Variants in MC3R observed in about 807,000 individuals in gnomAD.
The protein encoded by MC3R is melanocortin 3 receptor.
Under a neutral mutation model 14.0 loss-of-function variants are expected in MC3R, and 12 were observed. The ratio of observed to expected loss-of-function variants is 0.86; its 90% confidence interval spans 0.55 to 1.39. The LOEUF is 1.39. Among genes scored for constraint, MC3R ranks in the 40% most tolerant of loss-of-function variants. MC3R has a pLI of 0.00. For synonymous variants in MC3R, 174 were observed against 180.5 expected (o/e 0.96, Z 0.29); for missense variants, 432 against 433.6 (o/e 1.00, Z 0.03).
Position 56,248,738 on chromosome 20 carries a change from C to A in MC3R, c.-106C>A. The A allele has an allele frequency of 7.8e-7, 1 of 1,289,984 alleles. No individual in the cohort carries two copies. Among genetic ancestry groups the A allele is most frequent in the Non-Finnish European group, 1.1e-6 (1 of 884,538 alleles). The allele number at this position is 1,289,984 out of a possible 1,614,324, so 79.9% of individuals were successfully genotyped here. Reference sequence around the variant, plus strand: ...AAACTCTAAGGCCAGATTGAATGAGCATCCAAAAGACGTATCTGGAGGGAG... The same window carrying A: ...AAACTCTAAGGCCAGATTGAATGAGAATCCAAAAGACGTATCTGGAGGGAG... On this transcript the variant is annotated 5_prime_UTR_variant, in exon 1 of 1. Transcript: ENST00000243911.
Position 56,249,650 on chromosome 20 carries a change from C to T in MC3R, c.807C>T (p.Pro269=), listed in dbSNP as rs779397821. The part of the protein sequence containing the change: ...FLHLVLIITC[P]TNPYCICYTA... Reference sequence around the variant, plus strand: ...ACCTGGTCCTCATCATCACCTGCCCCACCAACCCCTACTGCATCTGCTACA... The same window carrying T: ...ACCTGGTCCTCATCATCACCTGCCCTACCAACCCCTACTGCATCTGCTACA... Residue 269 remains proline, a synonymous_variant, in exon 1 of 1, where the codon CCC becomes CCT. Coordinates refer to ENST00000243911, the MANE Select transcript of MC3R (RefSeq NM_019888.3). 5 of 1,614,046 alleles carry T rather than the reference C, an allele frequency of 3.1e-6. No individual in the cohort carries two copies. In the Admixed American group the frequency reaches 6.7e-5, roughly 22 times the overall value.
rs1275101116 is a variant in MC3R, at chr20:56,248,859, T to C, written c.16T>C (p.Cys6Arg). The C allele has an allele frequency of 4.3e-6, 7 of 1,614,226 alleles. No homozygotes were observed. The highest frequency in any genetic ancestry group is 3.4e-6 in the Non-Finnish European group (4 of 1,180,034). The change falls in exon 1 of 1, where the codon TGC becomes CGC. Residue 6 changes from cysteine (C) to arginine (R), a missense_variant. Coordinates refer to ENST00000243911, the MANE Select transcript of MC3R (RefSeq NM_019888.3). ...TCTGACAGCAATGAATGCTTCGTGC[T>C]GCCTGCCCTCTGTTCAGCCAACACT... MNASC[C>R]LPSVQPTLPN...
Position 56,249,567 on chromosome 20 carries a change from G to C in MC3R, c.724G>C (p.Val242Leu). The change falls in exon 1 of 1, where the codon GTC becomes CTC. Residue 242 changes from valine to leucine, a missense_variant. Transcript: ENST00000243911. ...GCAACACTCATGCATGAAGGGGGCA[G>C]TCACCATCACCATTCTCCTGGGCGT... is the stretch of plus-strand genomic sequence containing the variant. ...PQQHSCMKGA[V>L]TITILLGVFI... The C allele has an allele frequency of 6.2e-7, 1 of 1,613,614 alleles. No individual in the cohort carries two copies. Among genetic ancestry groups the C allele is most frequent in the Non-Finnish European group, 8.5e-7 (1 of 1,179,536 alleles).
chr20:56,249,038 G>A lies in MC3R; in HGVS notation c.195G>A (p.Arg65=), dbSNP rs772347013. The A allele has an allele frequency of 1.2e-6, 2 of 1,614,178 alleles. No homozygotes were observed. Among genetic ancestry groups the A allele is most frequent in the South Asian group, 2.2e-5 (2 of 91,072 alleles). ...TCCTGGTTATCCTGGCCGTGGTCAG[G>A]AACGGCAACCTGCACTCCCCGATGT... ...ENILVILAVV[R]NGNLHSPMYF... The change falls in exon 1 of 1, where the codon AGG becomes AGA. Residue 65 remains arginine (R), a synonymous_variant. Coordinates refer to ENST00000243911, the MANE Select transcript of MC3R (RefSeq NM_019888.3).
In MC3R at chr20:56,249,232, C is replaced by T; in HGVS notation, c.389C>T (p.Ala130Val). The T allele has an allele frequency of 6.2e-7, 1 of 1,614,162 alleles. No individual in the cohort carries two copies. ...FDSMICISLV[A>V]SICNLLAIAV... ...TCCATGATCTGCATCTCCCTGGTGG[C>T]CTCCATCTGCAACCTCCTGGCCATC... The change falls in exon 1 of 1, where the codon GCC (alanine) becomes GTC (valine). Residue 130 changes from alanine to valine, a missense_variant. Physicochemically the swap from Ala to Val is moderately conservative, Grantham distance 64. Transcript: ENST00000243911.
chr20:56,248,885 G>A lies in MC3R; in HGVS notation c.42G>A (p.Leu14=), dbSNP rs1286487939. ...SCCLPSVQPT[L]PNGSEHLQAP... ...GCCTGCCCTCTGTTCAGCCAACACTGCCTAATGGCTCGGAGCACCTCCAAG... is the reference window on the plus strand; with the variant it reads ...GCCTGCCCTCTGTTCAGCCAACACTACCTAATGGCTCGGAGCACCTCCAAG... Residue 14 remains leucine (L), a synonymous_variant, in exon 1 of 1, where the codon CTG becomes CTA. Transcript: ENST00000243911. 1 of 1,614,006 alleles carries A rather than the reference G, an allele frequency of 6.2e-7. No individual in the cohort carries two copies. The highest frequency in any genetic ancestry group is 1.3e-5 in the African/African-American group (1 of 74,914).
At position 56,249,101 on chromosome 20, in the gene MC3R, G is replaced by A. The variant is rs1323194461; in HGVS notation, c.258G>A (p.Leu86=). Residue 86 remains leucine, a synonymous_variant, in exon 1 of 1, where the codon CTG becomes CTA. Transcript: ENST00000243911. ...GCAGCCTGGCGGTGGCCGACATGCTGGTAAGTGTGTCCAATGCCCTGGAGA... is the reference window on the plus strand; with the variant it reads ...GCAGCCTGGCGGTGGCCGACATGCTAGTAAGTGTGTCCAATGCCCTGGAGA... The part of the protein sequence containing the change: ...FLCSLAVADM[L]VSVSNALETI... 2 of 1,614,154 alleles carry A rather than the reference G, an allele frequency of 1.2e-6. No homozygotes were observed. Among genetic ancestry groups the A allele is most frequent in the Non-Finnish European group, 1.7e-6 (2 of 1,180,020 alleles).
Position 56,249,555 on chromosome 20 carries a change from A to G in MC3R, c.712A>G (p.Met238Val), listed in dbSNP as rs771425064. The G allele has an allele frequency of 1.2e-5, 19 of 1,613,918 alleles. No individual in the cohort carries two copies. The South Asian group carries it at 2.1e-4, about 18-fold the overall frequency. The change falls in exon 1 of 1, where the codon ATG (methionine) becomes GTG (valine). Residue 238 changes from methionine (M) to valine (V), a missense_variant. Met to Val is a conservative substitution (Grantham distance 21, BLOSUM62 1). Transcript: ENST00000243911. Reference sequence around the variant, plus strand: ...GGTGGCCCCACAGCAACACTCATGCATGAAGGGGGCAGTCACCATCACCAT... The same window carrying G: ...GGTGGCCCCACAGCAACACTCATGCGTGAAGGGGGCAGTCACCATCACCAT... ...DGVAPQQHSC[M>V]KGAVTITILL...
rs751633902 is a variant in MC3R at position 56,248,820 on chromosome 20, C to G, written c.-24C>G. On this transcript the variant is annotated 5_prime_UTR_variant, in exon 1 of 1. Transcript: ENST00000243911. ...CCTACGGACCCTGCTGGAGCCCCAGCTCGGATCAGCCCTTCTGACAGCAAT... is the reference window on the plus strand; with the variant it reads ...CCTACGGACCCTGCTGGAGCCCCAGGTCGGATCAGCCCTTCTGACAGCAAT... 9 of 1,614,102 alleles carry G rather than the reference C, an allele frequency of 5.6e-6. No homozygotes were observed. The Admixed American group carries it at 8.3e-5, about 15-fold the overall frequency.
chr20:56,249,105 AGT>A lies in MC3R; in HGVS notation c.267_268del (p.Ser90GlnfsTer221), dbSNP rs1265404470. 9 of 1,614,126 alleles carry A rather than the reference AGT, an allele frequency of 5.6e-6. No homozygotes were observed. In the South Asian group the frequency reaches 8.8e-5, roughly 16 times the overall value. ...CCTGGCGGTGGCCGACATGCTGGTA[AGT>A]GTGTCCAATGCCCTGGAGACCATCA... ...CSLAVADMLVSVSNALETIMI... is the reference protein window; with the variant it reads ...CSLAVADMLVXVSNALETIMI... On this transcript the variant is annotated frameshift_variant, in exon 1 of 1. Transcript: ENST00000243911. LOFTEE classifies it high-confidence loss of function.
chr20:56,249,505 T>G lies in MC3R; in HGVS notation c.662T>G (p.Ile221Arg), dbSNP rs935319884. ...FLFARLHVKR[I>R]AALPPADGVA... ...TTTGCGCGGCTGCACGTCAAGCGCA[T>G]AGCAGCACTGCCACCTGCCGACGGG... Residue 221 changes from isoleucine (I) to arginine (R), a missense_variant, in exon 1 of 1, where the codon ATA (isoleucine) becomes AGA (arginine). By Grantham distance (97) the Ile-to-Arg change is moderately conservative. Coordinates refer to ENST00000243911, the MANE Select transcript of MC3R (RefSeq NM_019888.3). The G allele has an allele frequency of 3.7e-6, 6 of 1,614,034 alleles. No individual in the cohort carries two copies. The highest frequency in any genetic ancestry group is 5.1e-6 in the Non-Finnish European group (6 of 1,180,026).
rs151224239 is a variant in MC3R at position 56,248,799 on chromosome 20, C to A, written c.-45C>A. On this transcript the variant is annotated 5_prime_UTR_variant, in exon 1 of 1. Coordinates refer to ENST00000243911, the MANE Select transcript of MC3R (RefSeq NM_019888.3). ...TCCTGTGAGCAGCAGCAGCTTCCTACGGACCCTGCTGGAGCCCCAGCTCGG... is the reference window on the plus strand; with the variant it reads ...TCCTGTGAGCAGCAGCAGCTTCCTAAGGACCCTGCTGGAGCCCCAGCTCGG... 424 of 1,612,034 alleles carry A rather than the reference C, an allele frequency of 2.6e-4. 1 individual carries two copies. The highest frequency in any genetic ancestry group is 3.3e-4 in the Non-Finnish European group (389 of 1,178,216).
Position 56,249,348 on chromosome 20 carries a change from T to A in MC3R, c.505T>A (p.Trp169Arg), listed in dbSNP as rs1981331809. Residue 169 changes from tryptophan to arginine, a missense_variant, in exon 1 of 1, where the codon TGG becomes AGG. By Grantham distance (101) the Trp-to-Arg change is moderately radical. Transcript: ENST00000243911. ...RKALTLIVAI[W>R]VCCGVCGVVF... is the part of the protein sequence containing the mutation. The stretch of plus-strand genomic sequence containing the variant: ...GGCCCTCACCTTGATCGTGGCCATC[T>A]GGGTCTGCTGCGGCGTCTGTGGCGT... The A allele has an allele frequency of 6.2e-7, 1 of 1,614,018 alleles. No individual in the cohort carries two copies. Among genetic ancestry groups the A allele is most frequent in the Non-Finnish European group, 8.5e-7 (1 of 1,180,034 alleles).
In MC3R at chr20:56,249,457, C is replaced by T; in HGVS notation, c.614C>T (p.Thr205Ile). The change falls in exon 1 of 1, where the codon ACC becomes ATC. Residue 205 changes from threonine to isoleucine, a missense_variant. Coordinates refer to ENST00000243911, the MANE Select transcript of MC3R (RefSeq NM_019888.3). ...MFFAMMLLMGTLYVHMFLFAR... is the reference protein window; with the variant it reads ...MFFAMMLLMGILYVHMFLFAR... ...TTCGCCATGATGCTCCTCATGGGCA[C>T]CCTCTACGTGCACATGTTCCTCTTT... 3 of 1,614,096 alleles carry T rather than the reference C, an allele frequency of 1.9e-6. No homozygotes were observed. In the South Asian group the frequency reaches 3.3e-5, roughly 18 times the overall value.
In MC3R at chr20:56,249,279, A is replaced by G; in HGVS notation, c.436A>G (p.Ile146Val). 1 of 1,614,122 alleles carries G rather than the reference A, an allele frequency of 6.2e-7. No homozygotes were observed. Among genetic ancestry groups the G allele is most frequent in the Non-Finnish European group, 8.5e-7 (1 of 1,180,016 alleles). Reference protein sequence around the residue: ...LAIAVDRYVTIFYALRYHSIM... With the variant: ...LAIAVDRYVTVFYALRYHSIM... Reference sequence around the variant, plus strand: ...CATCGCCGTCGACAGGTACGTCACCATCTTTTACGCGCTCCGCTACCACAG... The same window carrying G: ...CATCGCCGTCGACAGGTACGTCACCGTCTTTTACGCGCTCCGCTACCACAG... Residue 146 changes from isoleucine to valine, a missense_variant, in exon 1 of 1, where the codon ATC becomes GTC. Physicochemically the swap from Ile to Val is conservative, Grantham distance 29. Coordinates refer to ENST00000243911, the MANE Select transcript of MC3R (RefSeq NM_019888.3).
chr20:56,249,280 T>A lies in MC3R; in HGVS notation c.437T>A (p.Ile146Asn), dbSNP rs74315393. Residue 146 changes from isoleucine (I) to asparagine (N), a missense_variant, in exon 1 of 1, where the codon ATC becomes AAC. By Grantham distance (149) the Ile-to-Asn change is moderately radical (BLOSUM62 -3). Transcript: ENST00000243911. ...ATCGCCGTCGACAGGTACGTCACCA[T>A]CTTTTACGCGCTCCGCTACCACAGC... ...LAIAVDRYVT[I>N]FYALRYHSIM... The A allele has an allele frequency of 1.2e-5, 20 of 1,614,024 alleles. No individual in the cohort carries two copies. The South Asian group carries it at 1.6e-4, about 13-fold the overall frequency.
Position 56,249,395 on chromosome 20 carries a change from G to A in MC3R, c.552G>A (p.Glu184=). 1.9e-6 allele frequency: 3 copies of A among 1,614,132 alleles called. No homozygotes were observed. Among genetic ancestry groups the A allele is most frequent in the East Asian group, 2.2e-5 (1 of 44,874 alleles). ...VCGVVFIVYS[E]SKMVIVCLIT... is the part of the protein sequence containing the mutation. ...GCGTGGTGTTCATCGTCTACTCGGA[G>A]AGCAAAATGGTCATTGTGTGCCTCA... The change falls in exon 1 of 1, where the codon GAG becomes GAA. Residue 184 remains glutamate (E), a synonymous_variant. Transcript: ENST00000243911.
Position 56,248,985 on chromosome 20 carries a change from C to T in MC3R, c.142C>T (p.Leu48=). ...VFIKPEVFLS[L]GIVSLLENIL... ...CATCAAGCCCGAGGTTTTCCTGTCT[C>T]TGGGCATCGTCAGTCTGCTGGAAAA... Residue 48 remains leucine, a synonymous_variant, in exon 1 of 1, where the codon CTG becomes TTG. Transcript: ENST00000243911. 1 of 1,614,202 alleles carries T rather than the reference C, an allele frequency of 6.2e-7. No individual in the cohort carries two copies. The highest frequency in any genetic ancestry group is 8.5e-7 in the Non-Finnish European group (1 of 1,180,028).
Position 56,249,304 on chromosome 20 carries a change from G to T in MC3R, c.461G>T (p.Ser154Ile). The T allele has an allele frequency of 1.4e-5, 23 of 1,614,104 alleles. No homozygotes were observed. The highest frequency in any genetic ancestry group is 1.9e-5 in the Non-Finnish European group (23 of 1,180,004). The change falls in exon 1 of 1, where the codon AGC becomes ATC. Residue 154 changes from serine (S) to isoleucine (I), a missense_variant. Transcript: ENST00000243911. Reference protein sequence around the residue: ...VTIFYALRYHSIMTVRKALTL... With the variant: ...VTIFYALRYHIIMTVRKALTL... ...ATCTTTTACGCGCTCCGCTACCACA[G>T]CATCATGACCGTGAGGAAGGCCCTC...
Sources: allele counts gnomAD v4.1 joint callset, GRCh38; gene constraint gnomAD v4.1.1; transcripts MANE v1.5; gene names NCBI Gene and HGNC (gene_info 2026-07-23, HGNC 2026-07-21).